The following METAP1 variants were observed in gnomAD, a reference collection of about 807,000 sequenced individuals.
The protein encoded by METAP1 is methionine aminopeptidase 1.
METAP1 carries 28 observed loss-of-function variants against 53.8 expected under a neutral mutation model. The ratio of observed to expected loss-of-function variants is 0.52; its 90% CI spans 0.39 to 0.71. The LOEUF is 0.71. Ranked by LOEUF, METAP1 falls within the 30% of genes least tolerant of loss-of-function variation. The probability of loss-of-function intolerance (pLI) is 0.00; values close to 1 mark genes in which losing one functional copy is unlikely to be tolerated. For missense variants in METAP1, 389 were observed against 479.8 expected (o/e 0.81, Z 1.77); for synonymous variants, 181 against 165.7 (o/e 1.09, Z -0.71).
intron 3 of METAP1, among the ~76,000 whole-genome samples, chr4:99,035,189 G>A (rs1013067360): frequency 1.3e-5 from 2 of 152,124 alleles, no homozygotes; most frequent in African/African-American, 4.8e-5. Flanking sequence ...AATCCTTAAT[G>A]GCCTTGGCCA....
chr4:99,025,416 C>CT, intron 1 of METAP1: 16 of 982,880 alleles, frequency 1.6e-5, no homozygotes, highest in Non-Finnish European at 1.9e-5. Flanking sequence ...TCTCTTAACT[C>CT]TGACTCTTTT....
chr4:99,059,893 G>A (rs1727417294), intron 10 of METAP1, among the ~76,000 whole-genome samples: 1 of 151,962 alleles, frequency 6.6e-6, no homozygotes, highest in African/African-American at 2.4e-5. Flanking sequence ...TCTGATTCCA[G>A]GGGTATAGTT....
intron 3 of METAP1, 139 bp downstream of exon 3, chr4:99,034,481 T>TAA: frequency 1.6e-6 from 1 of 620,774 alleles, no homozygotes; most frequent in Non-Finnish European, 2.9e-6. Context: ...CTTGAGCTCT[T>TAA]ACGGTGCATC....
chr4:99,023,120 C>T (rs925539742), intron 1 of METAP1: 7 of 969,230 alleles, frequency 7.2e-6, no homozygotes, highest in Admixed American at 7.2e-5. Context: ...TCTCCGATTC[C>T]TCTGCCTCCG....
chr4:99,013,473 C>T (rs192625244), intron 1 of METAP1, among the ~76,000 whole-genome samples: 2 of 152,182 alleles, frequency 1.3e-5, no homozygotes, highest in Non-Finnish European at 2.9e-5. Context: ...AACACTGAGA[C>T]AAAGGATCTC....
At chr4:99,017,166 T>C (rs1022263471) in intron 1 of METAP1, among the ~76,000 whole-genome samples, 1 of 152,224 alleles carries the variant, frequency 6.6e-6, no homozygotes, top group South Asian at 2.1e-4. Context: ...TTTCTCCTGG[T>C]AGCTGGAGAT....
chr4:99,054,865 T>C (rs577091978), intron 9 of METAP1, among the ~76,000 whole-genome samples: 1 of 152,216 alleles, frequency 6.6e-6, no homozygotes, highest in African/African-American at 2.4e-5. Context: ...TTGTTTGCCG[T>C]CTTTACATGG....
intron 4 of METAP1, among the ~76,000 whole-genome samples, chr4:99,036,951 C>A (rs1725464565): frequency 6.6e-6 from 1 of 151,914 alleles, no homozygotes; most frequent in African/African-American, 2.4e-5. Flanking sequence ...ACATGGATGT[C>A]TCTTTTCTGC....
intron 1 of METAP1, among the ~76,000 whole-genome samples, chr4:99,003,438 T>G (rs1723013894): frequency 6.6e-6 from 1 of 152,208 alleles, no homozygotes; most frequent in Non-Finnish European, 1.5e-5. Context: ...TCATAACTTT[T>G]TTTTGTCTTC....
chr4:99,031,557 C>T (rs1449586351), intron 2 of METAP1: 1 of 1,288,770 alleles, frequency 7.8e-7, no homozygotes, highest in Non-Finnish European at 1.0e-6. Flanking sequence ...AACTTTGTGA[C>T]CATGGGTTAT....
intron 1 of METAP1, among the ~76,000 whole-genome samples, chr4:99,002,090 G>T (rs1452919913): frequency 6.6e-6 from 1 of 152,152 alleles, no homozygotes; most frequent in East Asian, 1.9e-4. Flanking sequence ...TTTAGTCATG[G>T]TTTTTTAAGG....
rs114571463 is a variant in METAP1, at chr4:99,008,832, A to T, written c.114+12965A>T. On this transcript the variant is annotated intron_variant, in intron 1 of 10. Transcript: ENST00000296411. ...TAAAATAGAATTGTTGCTCTGCATT[A>T]TATACACCTATACAGTTTTGTAATT... Among the ~76,000 whole-genome samples, 494 of 152,342 alleles carry T rather than the reference A, an allele frequency of 3.2e-3. 5 individuals are homozygous for T. The highest frequency in any genetic ancestry group is 0.011 in the African/African-American group (458 of 41,580).
chr4:99,029,007 T>C (rs934154821), intron 2 of METAP1, 89 bp downstream of exon 2: 1 of 858,798 alleles, frequency 1.2e-6, no homozygotes, highest in Non-Finnish European at 1.8e-6. Flanking sequence ...TGAAAGTGTA[T>C]ATTTGAATGT....
intron 4 of METAP1, 27 bp downstream of exon 4, chr4:99,035,487 T>TA (rs1477768125): frequency 6.6e-7 from 1 of 1,506,922 alleles, no homozygotes; most frequent in Non-Finnish European, 9.0e-7. Context: ...TGATTCTTCA[T>TA]TTTTCAATTT....
chr4:99,039,215 G>GT (rs930989878), intron 4 of METAP1, 159 bp from the exon 5 acceptor site: 454 of 449,798 alleles, frequency 1.0e-3, no homozygotes, highest in Middle Eastern at 2.8e-3. Flanking sequence ...TGTTGAAAAT[G>GT]TTTTTTTTTA....
intron 9 of METAP1, among the ~76,000 whole-genome samples, chr4:99,051,163 G>T (rs1254030942): frequency 6.6e-6 from 1 of 152,104 alleles, no homozygotes; most frequent in Non-Finnish European, 1.5e-5. Context: ...CCCCTTACTT[G>T]CAGAAGCAAT....
intron 1 of METAP1, among the ~76,000 whole-genome samples, chr4:99,012,530 C>T (rs1723529803): frequency 6.6e-6 from 1 of 152,044 alleles, no homozygotes; most frequent in Non-Finnish European, 1.5e-5. Context: ...CCCGCTTGGC[C>T]TCCCAAAGTG....
chr4:99,019,872 C>A (rs1269469614), intron 1 of METAP1, among the ~76,000 whole-genome samples: 1 of 152,192 alleles, frequency 6.6e-6, no homozygotes, highest in Non-Finnish European at 1.5e-5. Context: ...ACCTTCTTAT[C>A]TGCTCCCTTA....
At chr4:98,998,269 TCTC>T (rs1722734025) in intron 1 of METAP1, among the ~76,000 whole-genome samples, 1 of 152,238 alleles carries the variant, frequency 6.6e-6, no homozygotes, top group South Asian at 2.1e-4. Flanking sequence ...ACACCTGTAA[TCTC>T]AGCACTTTGG....
Sources: gnomAD v4.1 joint callset for allele counts (sites outside exome capture counted in the v4.1 genomes callset) on GRCh38, gnomAD v4.1.1 for gene constraint, MANE v1.5 for transcripts, NCBI Gene and HGNC (gene_info 2026-07-23, HGNC 2026-07-21) for gene names.